Variants in ATE1 observed in about 807,000 individuals in gnomAD.
The protein encoded by ATE1 is arginyl-tRNA--protein transferase 1.
ATE1 carries 36 observed loss-of-function variants against 70.5 expected under a neutral mutation model. That is an observed-to-expected ratio of 0.51 (90% CI 0.39 to 0.67). The LOEUF is 0.67. Ranked by LOEUF, ATE1 falls within the 30% of genes least tolerant of loss-of-function variation. ATE1 has a pLI of 0.00. For missense variants in ATE1, 593 were observed against 629.5 expected, an observed-to-expected ratio of 0.94 and a Z score of 0.62; for synonymous variants, 232 against 219.3, an observed-to-expected ratio of 1.06 and a Z score of -0.51.
At chr10:121,886,850 A>G (rs1470252336) in intron 7 of ATE1, among the ~76,000 whole-genome samples, 1 of 152,202 alleles carries the variant, frequency 6.6e-6, no homozygotes, top group Admixed American at 6.5e-5. Flanking sequence ...GTGTGCCTAT[A>G]TATGATTGTC....
intron 11 of ATE1, among the ~76,000 whole-genome samples, chr10:121,782,291 TTCTA>T (rs1329894408): frequency 1.3e-5 from 2 of 152,190 alleles, no homozygotes; most frequent in Non-Finnish European, 2.9e-5. Flanking sequence ...AACGTTGTGT[TTCTA>T]TAAAGCCACA....
At position 121,894,174 on chromosome 10, in the gene ATE1, A is replaced by C. The variant is rs1950686031; in HGVS notation, c.942+5692T>G. Among the ~76,000 whole-genome samples the C allele has an allele frequency of 3.3e-5, 5 of 152,148 alleles. No homozygotes were observed. In the South Asian group the frequency reaches 1.0e-3, roughly 32 times the overall value. Reference sequence around the variant, plus strand: ...AAAAAGGAACAGAGGAAAAAAAAAAACATGGACATATCGAGGAAATGGAAA... The same window carrying C: ...AAAAAGGAACAGAGGAAAAAAAAAACCATGGACATATCGAGGAAATGGAAA... On this transcript the variant is annotated intron_variant, in intron 7 of 11. Transcript: ENST00000224652.
intron 7 of ATE1, among the ~76,000 whole-genome samples, chr10:121,886,293 T>TA (rs1199650993): frequency 1.8e-3 from 218 of 121,334 alleles, no homozygotes; most frequent in African/African-American, 7.5e-3. Flanking sequence ...CATTGATGAT[T>TA]TAAAAAAAAA....
chr10:121,819,679 CA>C (rs57035123), intron 10 of ATE1, among the ~76,000 whole-genome samples: 53 of 52,724 alleles, frequency 1.0e-3, no homozygotes, highest in East Asian at 6.0e-3. Context: ...AAGACTGTCT[CA>C]AAAAAAAAAA....
At chr10:121,773,713 A>G (rs977227101) in intron 11 of ATE1, among the ~76,000 whole-genome samples, 1 of 152,224 alleles carries the variant, frequency 6.6e-6, no homozygotes, top group Non-Finnish European at 1.5e-5. Flanking sequence ...AGTATTGCAC[A>G]GTCCTTTTAA....
chr10:121,776,997 A>G (rs1014354674), intron 11 of ATE1, among the ~76,000 whole-genome samples: 2 of 152,222 alleles, frequency 1.3e-5, no homozygotes, highest in Admixed American at 6.5e-5. Context: ...TACATCATAC[A>G]TTTGTGTAAT....
At chr10:121,744,858 T>A (rs11200124) in intron 11 of ATE1, among the ~76,000 whole-genome samples, 2,690 of 152,332 alleles carry the variant, frequency 0.018, 41 homozygotes, top group Non-Finnish European at 0.029. Flanking sequence ...GGAAGTGTTT[T>A]GTGGAAGTTT....
At chr10:121,787,065 T>TC (rs775286201) in intron 11 of ATE1, among the ~76,000 whole-genome samples, 30 of 152,024 alleles carry the variant, frequency 2.0e-4, no homozygotes, top group African/African-American at 6.5e-4. Context: ...TGTCAATCCC[T>TC]CCCCCCACAG....
At chr10:121,923,667 T>G (rs1951970070) in intron 2 of ATE1, among the ~76,000 whole-genome samples, 1 of 152,150 alleles carries the variant, frequency 6.6e-6, no homozygotes, top group Admixed American at 6.5e-5. Context: ...CACAAGGAAC[T>G]TTACCTAAGA....
At chr10:121,882,641 T>C (rs1278497287) in intron 7 of ATE1, among the ~76,000 whole-genome samples, 1 of 152,234 alleles carries the variant, frequency 6.6e-6, no homozygotes, top group African/African-American at 2.4e-5. Context: ...TCAGCCTTCA[T>C]GTCAACAATA....
chr10:121,750,655 ATTCTT>A (rs1944542015), intron 11 of ATE1, among the ~76,000 whole-genome samples: 2 of 152,196 alleles, frequency 1.3e-5, no homozygotes, highest in Non-Finnish European at 2.9e-5. Context: ...CTCATTTGTT[ATTCTT>A]AAAGAGACTT....
At chr10:121,841,645 T>G (rs912810636) in intron 8 of ATE1, among the ~76,000 whole-genome samples, 2 of 152,184 alleles carry the variant, frequency 1.3e-5, no homozygotes, top group African/African-American at 4.8e-5. Context: ...GGACCATTAT[T>G]CTAAGTGAAG....
chr10:121,835,566 T>C (rs1167406187), intron 10 of ATE1, among the ~76,000 whole-genome samples: 1 of 152,040 alleles, frequency 6.6e-6, no homozygotes, highest in Admixed American at 6.6e-5. Context: ...TACTGAGTCC[T>C]AAGTCAAACA....
At chr10:121,765,860 A>C (rs1945258538) in intron 11 of ATE1, among the ~76,000 whole-genome samples, 1 of 152,140 alleles carries the variant, frequency 6.6e-6, no homozygotes, top group South Asian at 2.1e-4. Flanking sequence ...CAATTTGATA[A>C]AGTGAATCTG....
chr10:121,852,885 T>C (rs1306663688), intron 8 of ATE1, among the ~76,000 whole-genome samples: 2 of 152,178 alleles, frequency 1.3e-5, no homozygotes, highest in Admixed American at 1.3e-4. Flanking sequence ...AAATGGCACA[T>C]AGTTTTAGAT....
chr10:121,897,601 G>C (rs1037887854), intron 7 of ATE1, among the ~76,000 whole-genome samples: 1 of 152,142 alleles, frequency 6.6e-6, no homozygotes, highest in Non-Finnish European at 1.5e-5. Flanking sequence ...GGCCAAGGAG[G>C]AAGACCACAA....
intron 10 of ATE1, among the ~76,000 whole-genome samples, chr10:121,799,585 T>C (rs1946796627): frequency 6.6e-6 from 1 of 152,228 alleles, no homozygotes; most frequent in African/African-American, 2.4e-5. Context: ...TCTTTGCAGC[T>C]AGCATGTGGT....
At chr10:121,851,990 G>A (rs1949072657) in intron 8 of ATE1, among the ~76,000 whole-genome samples, 1 of 152,136 alleles carries the variant, frequency 6.6e-6, no homozygotes, top group Admixed American at 6.6e-5. Context: ...TCCCAAAATG[G>A]GTGCATATTT....
chr10:121,753,828 G>C (rs1311465869), intron 11 of ATE1, among the ~76,000 whole-genome samples: 1 of 152,180 alleles, frequency 6.6e-6, no homozygotes, highest in Non-Finnish European at 1.5e-5. Flanking sequence ...GCTATTACAG[G>C]ATTTCTCAAA....
Sources: gnomAD v4.1 joint callset for allele counts (sites outside exome capture counted in the v4.1 genomes callset) on GRCh38, gnomAD v4.1.1 for gene constraint, MANE v1.5 for transcripts, NCBI Gene and HGNC (gene_info 2026-07-23, HGNC 2026-07-21) for gene names.